The following NLGN1 variants were observed in gnomAD, a reference collection of about 807,000 sequenced individuals.
NLGN1 encodes the protein neuroligin 1.
In NLGN1, 12 loss-of-function variants were observed where a neutral mutation model predicts 65.5. The observed-to-expected ratio is 0.18, with a 90% CI of 0.12 to 0.30. NLGN1 has a LOEUF of 0.30. NLGN1 is among the 10% of genes least tolerant of loss of function. The pLI is 1.00. For missense variants in NLGN1, 750 were observed against 1,007.1 expected, an observed-to-expected ratio of 0.74 and a Z score of 3.46; for synonymous variants, 350 against 359.5, an observed-to-expected ratio of 0.97 and a Z score of 0.30.
chr3:173,703,504 G>A (rs1041127858), intron 3 of NLGN1, among the ~76,000 whole-genome samples: 10 of 151,896 alleles, frequency 6.6e-5, no homozygotes, highest in Admixed American at 2.0e-4. Flanking sequence ...TTTTACTAAC[G>A]TTTGTGTTTT....
chr3:173,783,258 T>A (rs1781456695), intron 3 of NLGN1, among the ~76,000 whole-genome samples: 1 of 152,190 alleles, frequency 6.6e-6, no homozygotes, highest in Non-Finnish European at 1.5e-5. Context: ...ACCATTACAT[T>A]TGAGAAAAAC....
At chr3:173,597,914 T>G (rs1438294602) in intron 2 of NLGN1, among the ~76,000 whole-genome samples, 1 of 152,106 alleles carries the variant, frequency 6.6e-6, no homozygotes, top group Non-Finnish European at 1.5e-5. Context: ...CAAGTTATCT[T>G]CTTGAGGTTT....
intron 2 of NLGN1, among the ~76,000 whole-genome samples, chr3:173,497,603 C>A (rs1208252119): frequency 6.6e-6 from 1 of 151,284 alleles, no homozygotes; most frequent in African/African-American, 2.4e-5. Context: ...ATTAAACAAC[C>A]AAAAGGTAGT....
intron 3 of NLGN1, among the ~76,000 whole-genome samples, chr3:173,608,692 C>T (rs1458664692): frequency 7.2e-6 from 1 of 138,134 alleles, no homozygotes; most frequent in Non-Finnish European, 1.5e-5. Flanking sequence ...GTTAAATTAC[C>T]TCCTGTGATG....
intron 3 of NLGN1, among the ~76,000 whole-genome samples, chr3:173,720,483 A>G (rs1466328035): frequency 5.3e-5 from 8 of 152,216 alleles, no homozygotes. Context: ...AACTTCCAGT[A>G]TATCACACAT....
At chr3:173,914,404 A>G (rs1037542463) in intron 4 of NLGN1, among the ~76,000 whole-genome samples, 4 of 152,144 alleles carry the variant, frequency 2.6e-5, no homozygotes, top group African/African-American at 9.7e-5. Flanking sequence ...AAAATGAAGC[A>G]TGTGAAGCAT....
At chr3:173,486,559 G>T (rs979223627) in intron 2 of NLGN1, among the ~76,000 whole-genome samples, 1 of 152,092 alleles carries the variant, frequency 6.6e-6, no homozygotes, top group Non-Finnish European at 1.5e-5. Context: ...ATTCCACAAA[G>T]CATAGGGCTT....
chr3:174,216,234 T>G (rs543036384), intron 4 of NLGN1, among the ~76,000 whole-genome samples: 3 of 152,250 alleles, frequency 2.0e-5, no homozygotes, highest in Non-Finnish European at 4.4e-5. Context: ...TCTGTACATC[T>G]TGTCCTCACA....
At chr3:173,734,895 A>G (rs1442664713) in intron 3 of NLGN1, among the ~76,000 whole-genome samples, 1 of 152,126 alleles carries the variant, frequency 6.6e-6, no homozygotes, top group African/African-American at 2.4e-5. Flanking sequence ...ACGGCAGAAT[A>G]AAGAGCATGG....
At position 173,991,106 on chromosome 3, in the gene NLGN1, T is replaced by G. The variant is rs563921513; in HGVS notation, c.646+183274T>G. ...TTTATATTAGGGTTCACTTTTGGTG[T>G]TGTACATTCCTTGAGTTTCAACAAA... On this transcript the variant is annotated intron_variant, in intron 4 of 6. Transcript: ENST00000457714. Among the ~76,000 whole-genome samples the G allele has an allele frequency of 5.9e-5, 9 of 152,246 alleles. No individual in the cohort carries two copies. The East Asian group carries it at 1.4e-3, about 23-fold the overall frequency.
At chr3:174,026,017 G>T (rs1317801964) in intron 4 of NLGN1, among the ~76,000 whole-genome samples, 1 of 151,984 alleles carries the variant, frequency 6.6e-6, no homozygotes, top group Non-Finnish European at 1.5e-5. Flanking sequence ...TATTCCCAGA[G>T]GCCAAAGACT....
intron 3 of NLGN1, among the ~76,000 whole-genome samples, chr3:173,750,696 G>A (rs1480959720): frequency 6.6e-6 from 1 of 152,050 alleles, no homozygotes; most frequent in African/African-American, 2.4e-5. Flanking sequence ...GTGGTTAGTA[G>A]AGGTTTCTTT....
At chr3:173,736,908 G>C (rs192323317) in intron 3 of NLGN1, among the ~76,000 whole-genome samples, 2 of 151,914 alleles carry the variant, frequency 1.3e-5, no homozygotes, top group Admixed American at 6.6e-5. Context: ...AGCAATATTG[G>C]TGCAGATAGT....
intron 4 of NLGN1, among the ~76,000 whole-genome samples, chr3:174,124,701 T>C (rs1436250504): frequency 1.3e-5 from 2 of 149,040 alleles, no homozygotes; most frequent in African/African-American, 4.9e-5. Context: ...ACACTTATAG[T>C]ATATACTTAT....
intron 1 of NLGN1, among the ~76,000 whole-genome samples, chr3:173,429,123 C>G (rs536556): frequency 0.17 from 26,005 of 151,994 alleles, 2,400 homozygotes; most frequent in Middle Eastern, 0.29. Flanking sequence ...TGGCGGTCGA[C>G]GGCTATTAGA....
chr3:173,521,236 A>G (rs1734709107), intron 2 of NLGN1, among the ~76,000 whole-genome samples: 1 of 152,210 alleles, frequency 6.6e-6, no homozygotes, highest in Admixed American at 6.5e-5. Flanking sequence ...AGACATTGGT[A>G]TTTCATAAGT....
chr3:173,557,958 A>G (rs989284005), intron 2 of NLGN1, among the ~76,000 whole-genome samples: 19 of 151,974 alleles, frequency 1.3e-4, no homozygotes, highest in Admixed American at 7.2e-4. Flanking sequence ...ACTTTTATTT[A>G]TGTAAAAATG....
chr3:173,923,731 G>A (rs1742493399), intron 4 of NLGN1, among the ~76,000 whole-genome samples: 1 of 152,046 alleles, frequency 6.6e-6, no homozygotes, highest in African/African-American at 2.4e-5. Flanking sequence ...ATTGGTGATT[G>A]TATTTAGAAA....
intron 3 of NLGN1, among the ~76,000 whole-genome samples, chr3:173,757,064 G>A (rs1299429486): frequency 2.0e-5 from 3 of 151,942 alleles, no homozygotes; most frequent in African/African-American, 7.2e-5. Flanking sequence ...TTATCTAGAG[G>A]TGATGAAACC....
Sources: allele counts gnomAD v4.1 joint callset (sites outside exome capture counted in the v4.1 genomes callset), GRCh38; gene constraint gnomAD v4.1.1; transcripts MANE v1.5; gene names NCBI Gene and HGNC (gene_info 2026-07-23, HGNC 2026-07-21).